WHRN: variants seen among roughly 807,000 people sequenced by gnomAD.
WHRN encodes whirlin.
Under a neutral mutation model 68.3 loss-of-function variants are expected in WHRN, and 41 were observed. The ratio of observed to expected loss-of-function variants is 0.60; its 90% CI spans 0.47 to 0.78. The LOEUF (loss-of-function observed/expected upper bound fraction) is 0.78. Ranked by LOEUF, WHRN falls within the 30% of genes least tolerant of loss-of-function variation. The probability of loss-of-function intolerance (pLI) is 0.00; values close to 1 mark genes in which losing one functional copy is unlikely to be tolerated. For missense variants in WHRN, 1,243 were observed against 1,244.7 expected (o/e 1.00, Z 0.02); for synonymous variants, 560 against 561.3 (o/e 1.00, Z 0.03).
At chr9:114,458,922 A>G (rs184375292) in intron 3 of WHRN, among the ~76,000 whole-genome samples, 6 of 152,294 alleles carry the variant, frequency 3.9e-5, no homozygotes, top group Admixed American at 3.3e-4. Context: ...ATCCCTGAAC[A>G]GTCTCCGTGG....
At position 114,410,459 on chromosome 9, in the gene WHRN, G is replaced by C. The variant is rs533784263; in HGVS notation, c.1627-2441C>G. On this transcript the variant is annotated intron_variant, in intron 7 of 11. Coordinates refer to ENST00000362057, the MANE Select transcript of WHRN (RefSeq NM_015404.4). ...AGGCCAGAGCAGGCAGGGAGTTGAG[G>C]GGGGTGGTGCTGCAGGTCACTGCAG... is the stretch of plus-strand genomic sequence containing the variant. 3.6e-4 allele frequency among the ~76,000 whole-genome samples: 55 copies of C among 152,360 alleles called. No homozygotes were observed. In the East Asian group the frequency reaches 7.9e-3, roughly 22 times the overall value.
intron 7 of WHRN, among the ~76,000 whole-genome samples, chr9:114,416,963 T>A (rs1233413088): frequency 6.6e-6 from 1 of 152,236 alleles, no homozygotes; most frequent in Non-Finnish European, 1.5e-5. Context: ...TCCCAGAATC[T>A]GTGCAATTAA....
At chr9:114,442,394 T>C (rs1838449607) in intron 3 of WHRN, among the ~76,000 whole-genome samples, 1 of 152,152 alleles carries the variant, frequency 6.6e-6, no homozygotes. Context: ...TACTGAAGTA[T>C]TTAGGAATAA....
At chr9:114,425,655 A>C (rs1836782635) in intron 4 of WHRN, 1 of 239,794 alleles carries the variant, frequency 4.2e-6, no homozygotes, top group South Asian at 6.7e-5. Context: ...AGACAGACAG[A>C]CAGACATGCT....
rs756179666 is a variant in WHRN, at chr9:114,426,338, T to G, written c.1039A>C (p.Lys347Gln). ...ILHDEAVRLL[K>Q]SSRHLILTVK... ...GTCAGGATGAGGTGCCGAGATGACT[T>G]AAGCAGCCTGACAGCCTCGTCGTGT... Residue 347 changes from lysine (K) to glutamine (Q), a missense_variant, in exon 4 of 12, where the codon AAG becomes CAG. Lys to Gln is a moderately conservative substitution (Grantham distance 53, BLOSUM62 1). Coordinates refer to ENST00000362057, the MANE Select transcript of WHRN (RefSeq NM_015404.4). The G allele has an allele frequency of 1.2e-6, 2 of 1,614,038 alleles. No individual in the cohort carries two copies. Among genetic ancestry groups the G allele is most frequent in the Non-Finnish European group, 1.7e-6 (2 of 1,180,038 alleles).
At chr9:114,480,330 T>C (rs192673155) in intron 1 of WHRN, among the ~76,000 whole-genome samples, 13 of 152,280 alleles carry the variant, frequency 8.5e-5, no homozygotes, top group African/African-American at 3.1e-4. Context: ...TAGCCTGTGT[T>C]AGGGACTGAA....
chr9:114,466,514 C>A (rs1840709802), intron 2 of WHRN, 122 bp from the exon 3 acceptor site: 2 of 1,402,850 alleles, frequency 1.4e-6, no homozygotes, highest in Non-Finnish European at 2.0e-6. Flanking sequence ...CAAGGAGGCC[C>A]AGGCCAAGGC....
At chr9:114,491,683 T>G (rs1842985259) in intron 1 of WHRN, 1 of 250,376 alleles carries the variant, frequency 4.0e-6, no homozygotes, top group Admixed American at 4.1e-5. Flanking sequence ...GCAGAGGGAC[T>G]TGGAGATCAT....
chr9:114,458,740 G>T (rs1840008761), intron 3 of WHRN, among the ~76,000 whole-genome samples: 1 of 152,220 alleles, frequency 6.6e-6, no homozygotes, highest in Non-Finnish European at 1.5e-5. Context: ...ATCATGCTCT[G>T]CATGGAAATT....
At chr9:114,486,221 T>C (rs1842462576) in intron 1 of WHRN, among the ~76,000 whole-genome samples, 1 of 152,148 alleles carries the variant, frequency 6.6e-6, no homozygotes, top group Non-Finnish European at 1.5e-5. Flanking sequence ...TTTCTTCTTT[T>C]TAAGAAACAT....
chr9:114,403,107 T>G, intron 11 of WHRN, 110 bp downstream of exon 11: 4 of 1,562,266 alleles, frequency 2.6e-6, no homozygotes, highest in Non-Finnish European at 3.5e-6. Context: ...TAAGCCTAGG[T>G]CTGCCCTTGA....
At chr9:114,503,106 C>G (rs1011753389) in intron 1 of WHRN, 2 of 985,032 alleles carry the variant, frequency 2.0e-6, no homozygotes, top group African/African-American at 3.5e-5. Flanking sequence ...TCAAGACTCA[C>G]CTGGACACAG....
In WHRN at chr9:114,456,151, A is replaced by AAAAC. The variant is rs148294713; in HGVS notation, c.963+10115_963+10116insGTTT. On this transcript the variant is annotated intron_variant, in intron 3 of 11. Transcript: ENST00000362057. ...AAAAAAAAACTCTAAAAAAAAAAAAACATCTCCAAATGGGCAAAAGATCCA... is the reference window on the plus strand; with the variant it reads ...AAAAAAAAACTCTAAAAAAAAAAAAAAAACCATCTCCAAATGGGCAAAAGATCCA... Among the ~76,000 whole-genome samples the AAAAC allele has an allele frequency of 9.4e-3, 1,396 of 148,308 alleles. 12 individuals are homozygous for AAAAC. Among genetic ancestry groups the AAAAC allele is most frequent in the South Asian group, 0.029 (138 of 4,698 alleles).
chr9:114,414,026 T>C (rs717916), intron 7 of WHRN, among the ~76,000 whole-genome samples: 63,060 of 152,096 alleles, frequency 0.41, 14,097 homozygotes, highest in South Asian at 0.55. Flanking sequence ...TGGAAACCAG[T>C]GCTCCTGGGA....
At chr9:114,427,833 C>T (rs1459305867) in intron 3 of WHRN, among the ~76,000 whole-genome samples, 2 of 152,204 alleles carry the variant, frequency 1.3e-5, no homozygotes, top group Non-Finnish European at 2.9e-5. Context: ...AGAGTGGGGT[C>T]TGTGCTGCAT....
rs754316021 is a variant in WHRN, at chr9:114,407,957, T to G, written c.1688A>C (p.Asp563Ala). The change falls in exon 8 of 12, where the codon GAT becomes GCT. Residue 563 changes from aspartate to alanine, a missense_variant. Physicochemically the swap from Asp to Ala is moderately radical, Grantham distance 126. Transcript: ENST00000362057. ...CAGCCAGGGCCTTACCACGGACACA[T>G]CTGGGAGGGCGTTGATATTGCCCTG... ...AVQGNINALP[D>A]VSVDDVRSTS... 6.9e-6 allele frequency: 11 copies of G among 1,602,338 alleles called. No homozygotes were observed. The South Asian group carries it at 1.2e-4, about 18-fold the overall frequency.
At chr9:114,488,767 C>CT (rs1391106168) in intron 1 of WHRN, among the ~76,000 whole-genome samples, 1 of 152,228 alleles carries the variant, frequency 6.6e-6, no homozygotes, top group African/African-American at 2.4e-5. Flanking sequence ...AATTAGCACT[C>CT]TGTCTTCCAA....
At chr9:114,428,049 C>T (rs1453695221) in intron 3 of WHRN, among the ~76,000 whole-genome samples, 2 of 152,190 alleles carry the variant, frequency 1.3e-5, no homozygotes, top group African/African-American at 4.8e-5. Flanking sequence ...CAGATGAGGC[C>T]AGGCATCGTG....
In WHRN at chr9:114,402,834, G is replaced by A. The variant is rs150586098; in HGVS notation, c.2644C>T (p.Arg882Cys). ...GTCTTGAAGGCCTCGGCGATAATGCGGGCGGCCTCCCGGTGCTCCTTGCCC... is the reference window on the plus strand; with the variant it reads ...GTCTTGAAGGCCTCGGCGATAATGCAGGCGGCCTCCCGGTGCTCCTTGCCC... ...LRGKEHREAA[R>C]IIAEAFKTKD... Residue 882 changes from arginine (R) to cysteine (C), a missense_variant, in exon 12 of 12, where the codon CGC (arginine) becomes TGC (cysteine). Arg to Cys is a radical substitution (Grantham distance 180, BLOSUM62 -3). Transcript: ENST00000362057. 1.9e-4 allele frequency: 313 copies of A among 1,614,096 alleles called. 1 individual carries two copies. In the African/African-American group the frequency reaches 3.6e-3, roughly 18 times the overall value.
Sources: allele counts gnomAD v4.1 joint callset (sites outside exome capture counted in the v4.1 genomes callset), GRCh38; gene constraint gnomAD v4.1.1; transcripts MANE v1.5; gene names NCBI Gene and HGNC (gene_info 2026-07-23, HGNC 2026-07-21).